GAS6: variants seen among roughly 807,000 people sequenced by gnomAD.
GAS6 encodes the protein growth arrest-specific protein 6.
GAS6 carries 41 observed loss-of-function variants against 75.8 expected under a neutral mutation model. That is an observed-to-expected ratio of 0.54 (90% CI 0.42 to 0.70). The LOEUF is 0.70. Ranked by LOEUF, GAS6 falls within the 30% of genes least tolerant of loss-of-function variation. The pLI, the probability that GAS6 is intolerant of heterozygous loss-of-function variation, is 0.00. For synonymous variants in GAS6, 432 were observed against 412.6 expected (o/e 1.05, Z -0.57); for missense variants, 854 against 940.2 (o/e 0.91, Z 1.20).
rs118174577 is a variant in GAS6 at position 113,839,142 on chromosome 13, G to C, written c.466+586C>G. 411 of 157,526 alleles carry C rather than the reference G, an allele frequency of 2.6e-3. 4 individuals are homozygous for C. The East Asian group carries it at 0.044, about 17-fold the overall frequency. 9.8% of individuals were successfully genotyped at this position (157,526 alleles called of 1,614,324 possible). A position where few individuals can be genotyped will look rare whatever the true frequency, so the allele number is the denominator to read the frequency against. On this transcript the variant is annotated intron_variant, in intron 5 of 14. Coordinates refer to ENST00000327773, the MANE Select transcript of GAS6 (RefSeq NM_000820.4). ...GCCGAGGACAGACAAGGCCAGGCCAGAGCTGGCCACTCCTTAGCAAAGCCC... is the reference window on the plus strand; with the variant it reads ...GCCGAGGACAGACAAGGCCAGGCCACAGCTGGCCACTCCTTAGCAAAGCCC...
At chr13:113,833,818 C>G (rs1291175729) in intron 8 of GAS6, 2 of 1,004,944 alleles carry the variant, frequency 2.0e-6, no homozygotes, top group Non-Finnish European at 1.2e-6. Context: ...GTGACAGGCA[C>G]CGGTGTGACA....
intron 12 of GAS6, among the ~76,000 whole-genome samples, chr13:113,825,823 GA>G (rs62935460): frequency 0.16 from 24,683 of 152,132 alleles, 3,256 homozygotes; most frequent in African/African-American, 0.36. Context: ...CACCCGGGGG[GA>G]GACGGTGACA....
At position 113,844,580 on chromosome 13, in the gene GAS6, A is replaced by C. The variant is rs1225584986; in HGVS notation, c.343+1947T>G. 1 of 150,682 alleles carries C rather than the reference A, an allele frequency of 6.6e-6. No individual in the cohort carries two copies. The highest frequency in any genetic ancestry group is 1.5e-5 in the Non-Finnish European group (1 of 68,024). 9.3% of individuals were successfully genotyped at this position (150,682 alleles called of 1,614,324 possible). A position where few individuals can be genotyped will look rare whatever the true frequency, so the allele number is the denominator to read the frequency against. On this transcript the variant is annotated intron_variant, in intron 4 of 14. Transcript: ENST00000327773. The surrounding 1 kb of genome is among the most constrained non-coding windows in gnomAD (Gnocchi z 5.7). ...ATGAATGGCAAGCCCAGTTAAAAAT[A>C]TCTAAAGGGCTTTTTTAGGTTTTTA... is the stretch of plus-strand genomic sequence containing the variant.
At position 113,863,664 on chromosome 13, in the gene GAS6, C is replaced by A. The variant is rs1411280779; in HGVS notation, c.166G>T (p.Ala56Ser). The A allele has an allele frequency of 1.3e-6, 2 of 1,521,996 alleles. No individual in the cohort carries two copies. The highest frequency in any genetic ancestry group is 1.2e-5 in the South Asian group (1 of 81,748). 94.3% of individuals were successfully genotyped at this position (1,521,996 alleles called of 1,614,324 possible). The change falls in exon 2 of 15, where the codon GCC (alanine) becomes TCC (serine). Residue 56 changes from alanine (A) to serine (S), a missense_variant. Transcript: ENST00000327773. The surrounding 1 kb of genome is among the most constrained non-coding windows in gnomAD (Gnocchi z 9.4). The part of the protein sequence containing the change: ...QRRAFQVFEE[A>S]KQGHLERECV... ...TCCCTCTCCAGGTGGCCCTGCTTGG[C>A]CTCCTCGAAGACCTGAAAGGCGCGG...
rs2051493642 is a variant in GAS6, at chr13:113,823,780, T to G, written c.1478-230A>C. Among the ~76,000 whole-genome samples, 3 of 152,180 alleles carry G rather than the reference T, an allele frequency of 2.0e-5. No homozygotes were observed. The South Asian group carries it at 6.2e-4, about 31-fold the overall frequency. On this transcript the variant is annotated intron_variant, in intron 12 of 14. Coordinates refer to ENST00000327773, the MANE Select transcript of GAS6 (RefSeq NM_000820.4). The stretch of plus-strand genomic sequence containing the variant: ...CTCCCTGGCCACACCAGTACCCCAC[T>G]TCCAAATGCCCTGTAGGTGACCACC...
intron 2 of GAS6, among the ~76,000 whole-genome samples, chr13:113,860,211 G>A (rs569597583): frequency 1.3e-5 from 2 of 152,204 alleles, no homozygotes; most frequent in Non-Finnish European, 2.9e-5. Context: ...CACAGGCCTG[G>A]CCACATGTCG....
chr13:113,853,972 C>T (rs183451847), intron 2 of GAS6, among the ~76,000 whole-genome samples: 3 of 152,340 alleles, frequency 2.0e-5, no homozygotes, highest in Admixed American at 2.0e-4. Flanking sequence ...GATCCCACTG[C>T]CCACAGGAGG....
intron 4 of GAS6, chr13:113,840,734 A>C (rs1042476540): frequency 6.6e-6 from 1 of 152,256 alleles, no homozygotes; most frequent in Admixed American, 6.5e-5. Context: ...GCAGAGCAGA[A>C]GCAGCTCGGG....
At position 113,835,525 on chromosome 13, in the gene GAS6, TCTC is replaced by T. The variant is rs2051691291; in HGVS notation, c.697_699del (p.Glu233del). ...GTGGCGTGGGTACCTCGGCAAGCCT[TCTC>T]CTGGGAGCTGTACGCAAAGCCCTCG... is the stretch of plus-strand genomic sequence containing the variant. On this transcript the variant is annotated inframe_deletion, in exon 7 of 15. Transcript: ENST00000327773. The T allele has an allele frequency of 6.2e-7, 1 of 1,612,256 alleles. No individual in the cohort carries two copies. Among genetic ancestry groups the T allele is most frequent in the Non-Finnish European group, 8.5e-7 (1 of 1,179,730 alleles).
chr13:113,827,268 C>G (rs906721189), intron 11 of GAS6, 104 bp from the exon 12 acceptor site: 1 of 1,186,280 alleles, frequency 8.4e-7, no homozygotes. Context: ...ATGTGCAGCT[C>G]TACGGCAGAA....
In GAS6 at chr13:113,834,483, C is replaced by T. The variant is rs567126704; in HGVS notation, c.834+68G>A. 3.2e-5 allele frequency: 45 copies of T among 1,405,522 alleles called. 1 individual carries two copies. The highest frequency in any genetic ancestry group is 1.8e-4 in the Admixed American group (6 of 32,708). The allele number at this position is 1,405,522 out of a possible 1,614,324, so 87.1% of individuals were successfully genotyped here. ...CAGGTCTTCACGGAAGTGTTTCTCC[C>T]GAAAGCCCCCACCGGCGAGGGCCCC... On this transcript the variant is annotated intron_variant, in intron 8 of 14. Coordinates refer to ENST00000327773, the MANE Select transcript of GAS6 (RefSeq NM_000820.4).
chr13:113,844,660 AG>A lies in GAS6; in HGVS notation c.343+1866del, dbSNP rs961089152. On this transcript the variant is annotated intron_variant, in intron 4 of 14. Transcript: ENST00000327773. The surrounding 1 kb of genome is among the most constrained non-coding windows in gnomAD (Gnocchi z 5.7). ...AAAATAAGCAAGACAACCAGAAAAA[AG>A]ACTGAGGAGGGCATAGGAGACCCAC... 12 of 150,624 alleles carry A rather than the reference AG, an allele frequency of 8.0e-5. No individual in the cohort carries two copies. Among genetic ancestry groups the A allele is most frequent in the Non-Finnish European group, 1.8e-4 (12 of 68,022 alleles). 9.3% of individuals were successfully genotyped at this position (150,624 alleles called of 1,614,324 possible).
In GAS6 at chr13:113,863,509, C is replaced by T. The variant is rs185115964; in HGVS notation, c.255+66G>A. ...CTGGGGGGCGGCAGCAGCGCTGCCTCTCGGGAGCGGTTGGAGGCGCGCGGG... is the reference window on the plus strand; with the variant it reads ...CTGGGGGGCGGCAGCAGCGCTGCCTTTCGGGAGCGGTTGGAGGCGCGCGGG... On this transcript the variant is annotated intron_variant, in intron 2 of 14. Coordinates refer to ENST00000327773, the MANE Select transcript of GAS6 (RefSeq NM_000820.4). The surrounding 1 kb of genome is among the most constrained non-coding windows in gnomAD (Gnocchi z 9.4). 0.024 allele frequency: 34,096 copies of T among 1,436,672 alleles called. 458 individuals carry two copies. The highest frequency in any genetic ancestry group is 0.027 in the Middle Eastern group (114 of 4,150). The allele number at this position is 1,436,672 out of a possible 1,614,324, so 89.0% of individuals were successfully genotyped here.
intron 13 of GAS6, chr13:113,822,773 C>G (rs111414564): frequency 1.3e-3 from 193 of 153,782 alleles, no homozygotes; most frequent in Non-Finnish European, 2.3e-3. Flanking sequence ...GTGAGCCTCT[C>G]TGGTTTGACC....
Position 113,847,226 on chromosome 13 carries a change from G to A in GAS6, c.281-637C>T, listed in dbSNP as rs556513912. ...GCCTCCTGCAGGTGTGCTGTGGACC[G>A]CTGGCCACCCCCTGCTTCAGAACTC... On this transcript the variant is annotated intron_variant, in intron 3 of 14. Coordinates refer to ENST00000327773, the MANE Select transcript of GAS6 (RefSeq NM_000820.4). 9.6e-5 allele frequency: 25 copies of A among 259,628 alleles called. 1 individual carries two copies. Among genetic ancestry groups the A allele is most frequent in the South Asian group, 6.6e-4 (19 of 28,712 alleles). 16.1% of individuals were successfully genotyped at this position (259,628 alleles called of 1,614,324 possible).
chr13:113,835,621 C>A lies in GAS6; in HGVS notation c.604G>T (p.Ala202Ser), dbSNP rs747484336. The change falls in exon 7 of 15, where the codon GCA becomes TCA. Residue 202 changes from alanine to serine, a missense_variant. By Grantham distance (99) the Ala-to-Ser change is moderately conservative. Transcript: ENST00000327773. ...GRTCQDIDEC[A>S]DSEACGEARC... ...GCCTCCCCGCAGGCCTCCGAGTCTG[C>A]GCACTCGTCTATGTCTGCAAGCAAA... 1.4e-5 allele frequency: 22 copies of A among 1,611,864 alleles called. No homozygotes were observed. Among genetic ancestry groups the A allele is most frequent in the Non-Finnish European group, 1.8e-5 (21 of 1,179,802 alleles).
At chr13:113,826,857 G>GCCCCC in intron 12 of GAS6, 139 bp downstream of exon 12, 1 of 72,888 alleles carries the variant, frequency 1.4e-5, no homozygotes, top group Non-Finnish European at 3.1e-5. Context: ...CGCCCACCCC[G>GCCCCC]CCCACCCATC....
intron 4 of GAS6, chr13:113,841,978 C>A (rs2051787472): frequency 1.0e-5 from 1 of 98,380 alleles, no homozygotes; most frequent in African/African-American, 3.7e-5. Context: ...CCTCAATTTT[C>A]TCTGTACGCC....
In GAS6 at chr13:113,820,833, G is replaced by T. The variant is rs536395504; in HGVS notation, c.*31C>A. On this transcript the variant is annotated 3_prime_UTR_variant, in exon 15 of 15. Transcript: ENST00000327773. Reference sequence around the variant, plus strand: ...GCTCCTCCCGGCTGTCTCGGACAGAGACTGAGAAGCCTGCCGCGTCCCGTG... The same window carrying T: ...GCTCCTCCCGGCTGTCTCGGACAGATACTGAGAAGCCTGCCGCGTCCCGTG... 1.0e-5 allele frequency: 16 copies of T among 1,600,770 alleles called. No individual in the cohort carries two copies. The South Asian group carries it at 1.8e-4, about 18-fold the overall frequency.
Sources: gnomAD v4.1 joint callset for allele counts (sites outside exome capture counted in the v4.1 genomes callset) on GRCh38, gnomAD v4.1.1 for gene constraint, Gnocchi (gnomAD v3.1) non-coding constraint, MANE v1.5 for transcripts, NCBI Gene and HGNC (gene_info 2026-07-23, HGNC 2026-07-21) for gene names.